ACO1: variants seen among roughly 807,000 people sequenced by gnomAD.
The protein encoded by ACO1 is cytoplasmic aconitate hydratase.
A neutral mutation model predicts 105.1 loss-of-function variants in ACO1; 78 were observed. That is an observed-to-expected ratio of 0.74 (90% CI 0.62 to 0.90). The LOEUF is 0.90. Among genes scored for constraint, ACO1 ranks in the 40% least tolerant of loss-of-function variants. The pLI is 0.00. For synonymous variants in ACO1, 364 were observed against 397.4 expected, an observed-to-expected ratio of 0.92 and a Z score of 1.00; for missense variants, 965 against 1,111.1, an observed-to-expected ratio of 0.87 and a Z score of 1.87.
intron 2 of ACO1, 23 bp downstream of exon 2, chr9:32,405,626 A>G: frequency 6.6e-7 from 1 of 1,513,666 alleles, no homozygotes; most frequent in Non-Finnish European, 9.1e-7. Context: ...CTGTGATAGC[A>G]ATTGGAATCT....
intron 7 of ACO1, among the ~76,000 whole-genome samples, chr9:32,420,002 A>T (rs1417270648): frequency 6.6e-6 from 1 of 152,224 alleles, no homozygotes; most frequent in Non-Finnish European, 1.5e-5. Flanking sequence ...TGAAATTTTG[A>T]ATTGGATTTA....
At chr9:32,437,601 C>T (rs1252554540) in intron 18 of ACO1, among the ~76,000 whole-genome samples, 1 of 152,100 alleles carries the variant, frequency 6.6e-6, no homozygotes, top group Non-Finnish European at 1.5e-5. Flanking sequence ...ATTTACAAGC[C>T]CTGCATGACA....
intron 1 of ACO1, among the ~76,000 whole-genome samples, chr9:32,400,813 G>A (rs1482192226): frequency 2.0e-5 from 3 of 152,150 alleles, no homozygotes; most frequent in African/African-American, 7.2e-5. Flanking sequence ...ATGAAACATA[G>A]AAAGCTAAAG....
In ACO1 at chr9:32,432,212, G is replaced by A. The variant is rs796749283; in HGVS notation, c.1851+369G>A. ...ACTAAGTGGAGTCCATTGGTCGAAT[G>A]CACCTCTCAGAATGCATTTTTGCAC... On this transcript the variant is annotated intron_variant, in intron 15 of 20. Transcript: ENST00000309951. 1.1e-4 allele frequency among the ~76,000 whole-genome samples: 17 copies of A among 152,252 alleles called. 1 individual carries two copies. Among genetic ancestry groups the A allele is most frequent in the African/African-American group, 4.1e-4 (17 of 41,568 alleles).
chr9:32,411,807 G>A (rs575050749), intron 4 of ACO1, among the ~76,000 whole-genome samples: 12 of 152,150 alleles, frequency 7.9e-5, no homozygotes, highest in Non-Finnish European at 1.6e-4. Context: ...TATGTGTTAA[G>A]ACCTTAGAAA....
intron 17 of ACO1, among the ~76,000 whole-genome samples, chr9:32,435,716 T>A (rs1473698509): frequency 6.6e-6 from 1 of 152,196 alleles, no homozygotes; most frequent in African/African-American, 2.4e-5. Flanking sequence ...TCGATTTTTC[T>A]CTCATGAAAG....
intron 8 of ACO1, among the ~76,000 whole-genome samples, chr9:32,421,492 T>C (rs1821974219): frequency 6.6e-6 from 1 of 152,158 alleles, no homozygotes; most frequent in Non-Finnish European, 1.5e-5. Flanking sequence ...AATCCAACCC[T>C]GCAACTGCCT....
chr9:32,450,823 A>G lies in ACO1; in HGVS notation c.*712A>G, dbSNP rs1048278881. 1 of 152,126 alleles carries G rather than the reference A, an allele frequency of 6.6e-6. No individual in the cohort carries two copies. Among genetic ancestry groups the G allele is most frequent in the African/African-American group, 2.4e-5 (1 of 41,408 alleles). The allele number at this position is 152,126 out of a possible 1,614,324, so 9.4% of individuals were successfully genotyped here. ...TTCTAATTTGAATGAAATGAAATCTATTTTCAGTGAAAACTTGTTGACTTT... is the reference window on the plus strand; with the variant it reads ...TTCTAATTTGAATGAAATGAAATCTGTTTTCAGTGAAAACTTGTTGACTTT... On this transcript the variant is annotated 3_prime_UTR_variant, in exon 21 of 21. Transcript: ENST00000309951.
chr9:32,394,923 C>T (rs968067296), intron 1 of ACO1, among the ~76,000 whole-genome samples: 3 of 126,100 alleles, frequency 2.4e-5, no homozygotes, highest in Admixed American at 1.8e-4. Flanking sequence ...AGACACTTGG[C>T]GAATTCACAG....
intron 1 of ACO1, among the ~76,000 whole-genome samples, chr9:32,398,696 C>T (rs555203781): frequency 1.6e-4 from 24 of 152,106 alleles, no homozygotes; most frequent in Non-Finnish European, 3.1e-4. Context: ...CAGGCTCCAG[C>T]GATCCTCCCA....
chr9:32,407,299 G>A lies in ACO1; in HGVS notation c.136G>A (p.Ala46Thr), dbSNP rs1821632970. ...PFSIRVLLEA[A>T]IRNCDEFLVK... Reference sequence around the variant, plus strand: ...TTCGATCAGAGTTCTTCTGGAAGCAGCCATTCGGAATTGTGATGAGTTTTT... The same window carrying A: ...TTCGATCAGAGTTCTTCTGGAAGCAACCATTCGGAATTGTGATGAGTTTTT... Residue 46 changes from alanine (A) to threonine (T), a missense_variant, in exon 3 of 21, where the codon GCC becomes ACC. Ala to Thr is a moderately conservative substitution (Grantham distance 58, BLOSUM62 0). Coordinates refer to ENST00000309951, the MANE Select transcript of ACO1 (RefSeq NM_002197.3). 6.2e-7 allele frequency: 1 copy of A among 1,613,988 alleles called. No individual in the cohort carries two copies.
chr9:32,434,781 C>T (rs556481428), intron 17 of ACO1, 80 bp downstream of exon 17: 2 of 1,531,862 alleles, frequency 1.3e-6, no homozygotes, highest in African/African-American at 1.4e-5. Context: ...CTCTTTTCAC[C>T]TGGCCCTTTG....
chr9:32,423,801 C>T (rs1369895788), intron 9 of ACO1, among the ~76,000 whole-genome samples: 2 of 152,100 alleles, frequency 1.3e-5, no homozygotes, highest in African/African-American at 4.8e-5. Flanking sequence ...AATTTGGGTA[C>T]AGTGTACACT....
chr9:32,400,056 C>T (rs908478755), intron 1 of ACO1, among the ~76,000 whole-genome samples: 2 of 149,386 alleles, frequency 1.3e-5, no homozygotes, highest in African/African-American at 2.5e-5. Flanking sequence ...CTGCACCCTC[C>T]GCCTGCTGGG....
At chr9:32,385,921 G>A (rs1821148657) in intron 1 of ACO1, among the ~76,000 whole-genome samples, 1 of 152,132 alleles carries the variant, frequency 6.6e-6, no homozygotes, top group African/African-American at 2.4e-5. Flanking sequence ...CTCTGATTGG[G>A]AACACACACC....
At chr9:32,388,134 G>A (rs570475071) in intron 1 of ACO1, among the ~76,000 whole-genome samples, 1 of 152,310 alleles carries the variant, frequency 6.6e-6, no homozygotes, top group East Asian at 1.9e-4. Flanking sequence ...TAGAATGGAT[G>A]TACCTGCAGT....
In ACO1 at chr9:32,427,291, C is replaced by CATTT. The variant is rs1176527756; in HGVS notation, c.1349-9_1349-6dup. 6.2e-7 allele frequency: 1 copy of CATTT among 1,613,902 alleles called. No homozygotes were observed. Among genetic ancestry groups the CATTT allele is most frequent in the Non-Finnish European group, 8.5e-7 (1 of 1,179,988 alleles). On this transcript the variant is annotated splice_polypyrimidine_tract_variant and intron_variant, in intron 11 of 20. Transcript: ENST00000309951. Reference sequence around the variant, plus strand: ...CCTCCCACACTGCATCTGTGTTTACCATTTCACAGGATTGTTAGCAAAGAA... The same window carrying CATTT: ...CCTCCCACACTGCATCTGTGTTTACCATTTATTTCACAGGATTGTTAGCAAAGAA...
chr9:32,429,148 A>G (rs1478786635), intron 12 of ACO1, among the ~76,000 whole-genome samples: 1 of 152,230 alleles, frequency 6.6e-6, no homozygotes, highest in Non-Finnish European at 1.5e-5. Flanking sequence ...ATAGTAGTTA[A>G]TGAAGATATG....
At chr9:32,431,005 A>G (rs1228450010) in intron 14 of ACO1, among the ~76,000 whole-genome samples, 1 of 152,214 alleles carries the variant, frequency 6.6e-6, no homozygotes, top group Non-Finnish European at 1.5e-5. Flanking sequence ...TCTAAGCCGA[A>G]TAGATAATAT....
Sources: gnomAD v4.1 joint callset for allele counts (sites outside exome capture counted in the v4.1 genomes callset) on GRCh38, gnomAD v4.1.1 for gene constraint, MANE v1.5 for transcripts, NCBI Gene and HGNC (gene_info 2026-07-23, HGNC 2026-07-21) for gene names.